Variants in SYN2 observed in about 807,000 individuals in gnomAD.
SYN2 encodes synapsin II.
A neutral mutation model predicts 50.9 loss-of-function variants in SYN2; 19 were observed. The ratio of observed to expected loss-of-function variants is 0.37; its 90% confidence interval spans 0.26 to 0.55. The LOEUF (loss-of-function observed/expected upper bound fraction) is 0.55. Ranked by LOEUF, SYN2 falls within the 20% of genes least tolerant of loss-of-function variation. SYN2 has a pLI of 0.81. For synonymous variants in SYN2, 255 were observed against 224.9 expected (o/e 1.13, Z -1.20); for missense variants, 587 against 576.4 (o/e 1.02, Z -0.19).
intron 5 of SYN2, among the ~76,000 whole-genome samples, chr3:12,155,318 GCAGTATA>G (rs1031359518): frequency 6.6e-6 from 1 of 152,212 alleles, no homozygotes; most frequent in Non-Finnish European, 1.5e-5. Context: ...TATACAAAGT[GCAGTATA>G]AGAACAAAGG....
intron 1 of SYN2, among the ~76,000 whole-genome samples, chr3:12,080,367 G>A (rs903179453): frequency 6.6e-6 from 1 of 151,638 alleles, no homozygotes; most frequent in Non-Finnish European, 1.5e-5. Context: ...TTTGCTCTTG[G>A]TTCTCTAGTT....
chr3:12,190,888 C>A lies in SYN2; in HGVS notation c.*263C>A. On this transcript the variant is annotated 3_prime_UTR_variant, in exon 13 of 13. Coordinates refer to ENST00000621198, the MANE Select transcript of SYN2 (RefSeq NM_133625.6). Reference sequence around the variant, plus strand: ...AGTCATGAGAGCTTCCTTCTGAAGTCATCGTTCGCTGTGAGTTTAGTGGCC... The same window carrying A: ...AGTCATGAGAGCTTCCTTCTGAAGTAATCGTTCGCTGTGAGTTTAGTGGCC... 1 of 1,217,922 alleles carries A rather than the reference C, an allele frequency of 8.2e-7. No homozygotes were observed. Among genetic ancestry groups the A allele is most frequent in the Non-Finnish European group, 1.0e-6 (1 of 976,772 alleles). The allele number at this position is 1,217,922 out of a possible 1,614,324, so 75.4% of individuals were successfully genotyped here.
chr3:12,131,112 G>T (rs1696788883), intron 1 of SYN2, among the ~76,000 whole-genome samples: 3 of 152,190 alleles, frequency 2.0e-5, no homozygotes, highest in Admixed American at 2.0e-4. Context: ...GTAGGGGCTG[G>T]GATGCAGCCC....
intron 1 of SYN2, among the ~76,000 whole-genome samples, chr3:12,092,949 C>T (rs1215479298): frequency 6.6e-6 from 1 of 152,096 alleles, no homozygotes; most frequent in Non-Finnish European, 1.5e-5. Flanking sequence ...TCATTACTAC[C>T]CTCACTGGGG....
chr3:12,017,327 G>A (rs1259793972), intron 1 of SYN2, among the ~76,000 whole-genome samples: 1 of 152,140 alleles, frequency 6.6e-6, no homozygotes, highest in Non-Finnish European at 1.5e-5. Context: ...TCATTTACTA[G>A]GATATCAAGT....
At chr3:12,011,191 G>T (rs928616373) in intron 1 of SYN2, among the ~76,000 whole-genome samples, 1 of 152,218 alleles carries the variant, frequency 6.6e-6, no homozygotes, top group Admixed American at 6.5e-5. Flanking sequence ...TTCAAAAACA[G>T]TGGGGCACTC....
Position 12,190,736 on chromosome 3 carries a change from C to A in SYN2, c.*111C>A. 1.3e-6 allele frequency: 2 copies of A among 1,494,088 alleles called. No homozygotes were observed. Among genetic ancestry groups the A allele is most frequent in the East Asian group, 2.4e-5 (1 of 41,950 alleles). The allele number at this position is 1,494,088 out of a possible 1,614,324, so 92.6% of individuals were successfully genotyped here. A position where few individuals can be genotyped will look rare whatever the true frequency, so the allele number is the denominator to read the frequency against. On this transcript the variant is annotated 3_prime_UTR_variant, in exon 13 of 13. Transcript: ENST00000621198. Reference sequence around the variant, plus strand: ...GTCCCATGACCTTGACGTGTGTGGTCCCTTCCTCTGCTCTGTTGTACTAAG... The same window carrying A: ...GTCCCATGACCTTGACGTGTGTGGTACCTTCCTCTGCTCTGTTGTACTAAG...
chr3:12,184,315 T>G (rs529285503), intron 11 of SYN2: 2 of 985,906 alleles, frequency 2.0e-6, no homozygotes, highest in East Asian at 2.3e-4. Flanking sequence ...TGTTTCTGGA[T>G]CCAGCCATGT....
At chr3:12,034,664 T>A (rs1694456245) in intron 1 of SYN2, among the ~76,000 whole-genome samples, 1 of 152,104 alleles carries the variant, frequency 6.6e-6, no homozygotes, top group Non-Finnish European at 1.5e-5. Context: ...AACTTATCCA[T>A]TATCAGGAAC....
At chr3:12,129,849 G>T (rs1386082625) in intron 1 of SYN2, among the ~76,000 whole-genome samples, 2 of 152,140 alleles carry the variant, frequency 1.3e-5, no homozygotes, top group African/African-American at 2.4e-5. Flanking sequence ...TAATATGATG[G>T]TATTTGGAGG....
intron 1 of SYN2, among the ~76,000 whole-genome samples, chr3:12,050,354 T>C (rs1574910157): frequency 7.9e-6 from 1 of 127,172 alleles, no homozygotes; most frequent in South Asian, 2.1e-4. Flanking sequence ...TTTTTTTTTT[T>C]TTTTTTTTGG....
intron 1 of SYN2, among the ~76,000 whole-genome samples, chr3:12,115,889 T>C (rs1271560673): frequency 5.9e-5 from 9 of 152,286 alleles, no homozygotes; most frequent in South Asian, 4.1e-4. Context: ...TGTACACCCA[T>C]CTCCTAGTAC....
intron 1 of SYN2, among the ~76,000 whole-genome samples, chr3:12,066,947 CCTT>C (rs1166241023): frequency 6.6e-6 from 1 of 152,038 alleles, no homozygotes; most frequent in Non-Finnish European, 1.5e-5. Context: ...GCAAACATGT[CCTT>C]CTTCACATGG....
intron 10 of SYN2, among the ~76,000 whole-genome samples, chr3:12,175,465 C>T (rs769487544): frequency 6.6e-6 from 1 of 152,238 alleles, no homozygotes; most frequent in Non-Finnish European, 1.5e-5. Context: ...TCACAGGCAC[C>T]TCTTGCTGGC....
intron 1 of SYN2, among the ~76,000 whole-genome samples, chr3:12,079,020 T>C (rs1278621520): frequency 1.3e-5 from 2 of 152,106 alleles, no homozygotes; most frequent in Non-Finnish European, 2.9e-5. Flanking sequence ...GGTCCTTCAC[T>C]TCCCTTGTTA....
intron 3 of SYN2, 108 bp from the exon 4 acceptor site, chr3:12,145,571 G>A (rs1697126819): frequency 1.6e-6 from 2 of 1,250,604 alleles, no homozygotes; most frequent in South Asian, 1.4e-5. Context: ...CTTGGACTAG[G>A]TGGTTCCTAA....
chr3:12,151,419 A>G (rs1697288878), intron 5 of SYN2, 93 bp downstream of exon 5: 6 of 957,878 alleles, frequency 6.3e-6, no homozygotes, highest in Non-Finnish European at 1.6e-6. Context: ...GGGCCTCAGC[A>G]TCTCAACCCC....
At chr3:12,118,434 T>G (rs1245706866) in intron 1 of SYN2, among the ~76,000 whole-genome samples, 1 of 152,128 alleles carries the variant, frequency 6.6e-6, no homozygotes, top group Non-Finnish European at 1.5e-5. Context: ...TACAAACACA[T>G]GTGGAAAGAA....
At chr3:12,129,541 A>G (rs1365699737) in intron 1 of SYN2, among the ~76,000 whole-genome samples, 1 of 152,200 alleles carries the variant, frequency 6.6e-6, no homozygotes, top group Non-Finnish European at 1.5e-5. Context: ...ATGAGAAGGC[A>G]TAAAGAATTT....
Sources: allele counts gnomAD v4.1 joint callset (sites outside exome capture counted in the v4.1 genomes callset), GRCh38; gene constraint gnomAD v4.1.1; transcripts MANE v1.5; gene names NCBI Gene and HGNC (gene_info 2026-07-23, HGNC 2026-07-21).